The following EP400 variants were observed in gnomAD, a reference collection of about 807,000 sequenced individuals.
The protein encoded by EP400 is E1A-binding protein p400.
A neutral mutation model predicts 354.1 loss-of-function variants in EP400; 105 were observed. That is an observed-to-expected ratio of 0.30 (90% confidence interval 0.25 to 0.35). EP400 has a LOEUF of 0.35. Ranked by LOEUF, EP400 falls within the 10% of genes least tolerant of loss-of-function variation. The pLI is 1.00. For synonymous variants in EP400, 1,646 were observed against 1,716.9 expected, an observed-to-expected ratio of 0.96 and a Z score of 1.02; for missense variants, 3,280 against 4,121.0, an observed-to-expected ratio of 0.80 and a Z score of 5.59.
chr12:132,013,749 GAAAA>G lies in EP400; in HGVS notation c.3787-27_3787-24del. ...CGTGTTACAGCAGCATTTTTGGAAA[GAAAA>G]CAGTAAACAGTTTTTATTTTCAGGT... is the stretch of plus-strand genomic sequence containing the variant. On this transcript the variant is annotated intron_variant, in intron 18 of 52. Transcript: ENST00000389561. The surrounding 1 kb of genome is among the most constrained non-coding windows in gnomAD (Gnocchi z 4.5). 6.2e-7 allele frequency: 1 copy of G among 1,611,076 alleles called. No individual in the cohort carries two copies.
chr12:131,957,159 C>T (rs565878074), intron 1 of EP400, among the ~76,000 whole-genome samples: 1 of 152,324 alleles, frequency 6.6e-6, no homozygotes, highest in Admixed American at 6.5e-5. Flanking sequence ...GCATGAGCCA[C>T]TATGCCCAGC....
At chr12:132,006,570 C>A in intron 14 of EP400, 130 bp from the exon 15 acceptor site, 1 of 1,033,206 alleles carries the variant, frequency 9.7e-7, no homozygotes, top group Non-Finnish European at 1.4e-6. Flanking sequence ...TCTTCCTCTT[C>A]CTGTTTTCTG....
At chr12:131,972,609 C>T (rs1055561467) in intron 2 of EP400, among the ~76,000 whole-genome samples, 2 of 151,694 alleles carry the variant, frequency 1.3e-5, no homozygotes, top group African/African-American at 4.8e-5. Context: ...AAAATACAGA[C>T]AGGCACGCAT....
rs1469469842 is a variant in EP400, at chr12:132,052,346, TC to T, written c.7395-799del. Among the ~76,000 whole-genome samples, 4 of 152,176 alleles carry T rather than the reference TC, an allele frequency of 2.6e-5. No individual in the cohort carries two copies. Among genetic ancestry groups the T allele is most frequent in the Non-Finnish European group, 5.9e-5 (4 of 68,020 alleles). Reference sequence around the variant, plus strand: ...GTGATCCTTGTCAGAAGGAGTTGGCTCAGGGCCCATCTCCGCAAACCCCCAG... The same window carrying T: ...GTGATCCTTGTCAGAAGGAGTTGGCTAGGGCCCATCTCCGCAAACCCCCAG... On this transcript the variant is annotated intron_variant, in intron 41 of 52. Transcript: ENST00000389561. This position sits in a 1 kb window ranked among gnomAD's most constrained non-coding sequence, Gnocchi z 4.4.
intron 12 of EP400, among the ~76,000 whole-genome samples, chr12:131,995,423 G>A (rs1298894284): frequency 1.3e-5 from 2 of 151,254 alleles, no homozygotes; most frequent in South Asian, 4.2e-4. Flanking sequence ...AACTTCATGT[G>A]AATGAATCCA....
At chr12:131,978,986 G>A (rs1892581258) in intron 2 of EP400, among the ~76,000 whole-genome samples, 1 of 152,128 alleles carries the variant, frequency 6.6e-6, no homozygotes, top group Non-Finnish European at 1.5e-5. Context: ...GGAGGCCGAG[G>A]CAGGCGGATC....
At position 132,054,888 on chromosome 12, in the gene EP400, A is replaced by T. The variant is rs1895430382; in HGVS notation, c.7729-86A>T. 1 of 1,385,340 alleles carries T rather than the reference A, an allele frequency of 7.2e-7. No individual in the cohort carries two copies. The highest frequency in any genetic ancestry group is 1.4e-5 in the African/African-American group (1 of 69,716). 85.8% of individuals were successfully genotyped at this position (1,385,340 alleles called of 1,614,324 possible). On this transcript the variant is annotated intron_variant, in intron 43 of 52. Transcript: ENST00000389561. The surrounding 1 kb of genome is among the most constrained non-coding windows in gnomAD (Gnocchi z 4.0). The stretch of plus-strand genomic sequence containing the variant: ...GTGAATGTCGTGGAGTTTGGATTTG[A>T]TTCTGAATGAAGTGGAAGCCTTTGG...
At chr12:132,016,774 C>T (rs1016549795) in intron 19 of EP400, among the ~76,000 whole-genome samples, 2 of 152,182 alleles carry the variant, frequency 1.3e-5, no homozygotes, top group African/African-American at 4.8e-5. Context: ...GAACTGAGCT[C>T]GTGTTTTCCC....
chr12:131,955,004 C>CAA (rs1243159928), intron 1 of EP400, among the ~76,000 whole-genome samples: 1 of 152,024 alleles, frequency 6.6e-6, no homozygotes, highest in African/African-American at 2.4e-5. Context: ...GCCTGGGTGA[C>CAA]AGAGTGAGAC....
rs1894004508 is a variant in EP400 at position 132,018,084 on chromosome 12, G to A, written c.4111-126G>A. On this transcript the variant is annotated intron_variant, in intron 20 of 52. Coordinates refer to ENST00000389561, the MANE Select transcript of EP400 (RefSeq NM_015409.5). The surrounding 1 kb of genome is among the most constrained non-coding windows in gnomAD (Gnocchi z 4.0). Reference sequence around the variant, plus strand: ...TGGCACGGAGGAGGGTCTGCTTGCCGAGTGGCCGTTAGAGGGGGCGCGTCT... The same window carrying A: ...TGGCACGGAGGAGGGTCTGCTTGCCAAGTGGCCGTTAGAGGGGGCGCGTCT... 14 of 1,171,950 alleles carry A rather than the reference G, an allele frequency of 1.2e-5. No homozygotes were observed. The highest frequency in any genetic ancestry group is 2.5e-5 in the Admixed American group (1 of 40,098). 72.6% of individuals were successfully genotyped at this position (1,171,950 alleles called of 1,614,324 possible).
chr12:132,024,344 GCCTGGGTCACAGACTGAGA>G (rs1894225589), intron 24 of EP400, among the ~76,000 whole-genome samples: 1 of 152,154 alleles, frequency 6.6e-6, no homozygotes, highest in Admixed American at 6.5e-5. Context: ...CTGCACTCCA[GCCTGGGTCACAGACTGAGA>G]CCCCATCTCT....
chr12:132,027,867 A>G lies in EP400; in HGVS notation c.5110-150A>G. 1.1e-6 allele frequency: 1 copy of G among 877,166 alleles called. No homozygotes were observed. The highest frequency in any genetic ancestry group is 1.7e-6 in the Non-Finnish European group (1 of 584,466). The allele number at this position is 877,166 out of a possible 1,614,324, so 54.3% of individuals were successfully genotyped here. On this transcript the variant is annotated intron_variant, in intron 26 of 52. Transcript: ENST00000389561. The surrounding 1 kb of genome is among the most constrained non-coding windows in gnomAD (Gnocchi z 4.9). The stretch of plus-strand genomic sequence containing the variant: ...TCTATTTCCTGTAGCTCTCGGCTTC[A>G]TTTCTATCTCTATTTCCTGTAACAC...
At chr12:132,014,617 C>T (rs1566187460) in intron 19 of EP400, among the ~76,000 whole-genome samples, 1 of 152,232 alleles carries the variant, frequency 6.6e-6, no homozygotes, top group Non-Finnish European at 1.5e-5. Flanking sequence ...TTAGTCATCA[C>T]ACCTCACTCT....
intron 39 of EP400, among the ~76,000 whole-genome samples, chr12:132,049,778 A>G (rs1384851341): frequency 6.6e-6 from 1 of 152,188 alleles, no homozygotes; most frequent in Non-Finnish European, 1.5e-5. Flanking sequence ...ATGTCTTGGG[A>G]GCACATAGCC....
At chr12:131,984,341 A>C (rs565860920) in intron 5 of EP400, among the ~76,000 whole-genome samples, 1 of 152,282 alleles carries the variant, frequency 6.6e-6, no homozygotes, top group East Asian at 1.9e-4. Context: ...GGCATTGTTT[A>C]TTTCCTTTAC....
chr12:132,076,321 A>C (rs1358776380), intron 51 of EP400, 195 bp from the exon 52 acceptor site: 14 of 676,124 alleles, frequency 2.1e-5, no homozygotes, highest in Non-Finnish European at 3.5e-5. Flanking sequence ...TTGGGGAGGC[A>C]GTCAGTTGAC....
chr12:131,967,099 G>T (rs1295421457), intron 2 of EP400, among the ~76,000 whole-genome samples: 1 of 151,854 alleles, frequency 6.6e-6, no homozygotes, highest in African/African-American at 2.4e-5. Flanking sequence ...TAAAAAGGTG[G>T]CTAGGTGCGG....
rs1245077554 is a variant in EP400, at chr12:132,006,586, C to A, written c.3127-114C>A. 1.5e-5 allele frequency: 17 copies of A among 1,116,840 alleles called. 1 individual carries two copies. Among genetic ancestry groups the A allele is most frequent in the Middle Eastern group, 2.9e-4 (1 of 3,498 alleles). The allele number at this position is 1,116,840 out of a possible 1,614,324, so 69.2% of individuals were successfully genotyped here. A position where few individuals can be genotyped will look rare whatever the true frequency, so the allele number is the denominator to read the frequency against. On this transcript the variant is annotated intron_variant, in intron 14 of 52. Transcript: ENST00000389561. ...CTTCCTCTTCCTGTTTTCTGTAGATCATTTTTGTGGCTTTCTAATTGGTTT... is the reference window on the plus strand; with the variant it reads ...CTTCCTCTTCCTGTTTTCTGTAGATAATTTTTGTGGCTTTCTAATTGGTTT...
chr12:132,044,270 G>C lies in EP400; in HGVS notation c.6544G>C (p.Ala2182Pro), dbSNP rs1895011113. 2 of 1,613,996 alleles carry C rather than the reference G, an allele frequency of 1.2e-6. No homozygotes were observed. Among genetic ancestry groups the C allele is most frequent in the Admixed American group, 3.3e-5 (2 of 60,004 alleles). ...EARLRLEQEE[A>P]ELLTYTREDA... is the part of the protein sequence containing the mutation. Reference sequence around the variant, plus strand: ...CCGGCTGCGGCTGGAGCAGGAGGAGGCGGAGCTCCTGACCTACACGCGAGA... The same window carrying C: ...CCGGCTGCGGCTGGAGCAGGAGGAGCCGGAGCTCCTGACCTACACGCGAGA... Residue 2182 changes from alanine to proline, a missense_variant, in exon 35 of 53, where the codon GCG becomes CCG. Around this residue, in one of 20 missense-constraint regions of EP400, gnomAD observed 231 missense variants for 257.9 expected, o/e 0.90. Coordinates refer to ENST00000389561, the MANE Select transcript of EP400 (RefSeq NM_015409.5).
Sources: gnomAD v4.1 joint callset for allele counts (sites outside exome capture counted in the v4.1 genomes callset) on GRCh38, gnomAD v4.1.1 for gene constraint, gnomAD v4.1.1 regional missense constraint, Gnocchi (gnomAD v3.1) non-coding constraint, MANE v1.5 for transcripts, NCBI Gene and HGNC (gene_info 2026-07-23, HGNC 2026-07-21) for gene names.